The following RAB8A variants were observed in gnomAD, a reference collection of about 807,000 sequenced individuals.
RAB8A encodes ras-related protein Rab-8A.
In RAB8A, 5 loss-of-function variants were observed where a neutral mutation model predicts 29.2. The observed-to-expected ratio is 0.17, with a 90% CI of 0.09 to 0.36. RAB8A has a LOEUF of 0.36. RAB8A is among the 10% of genes least tolerant of loss of function. RAB8A has a pLI of 1.00. For missense variants in RAB8A, 171 were observed against 272.2 expected, an observed-to-expected ratio of 0.63 and a Z score of 2.62; for synonymous variants, 108 against 99.9, an observed-to-expected ratio of 1.08 and a Z score of -0.49.
At position 16,125,383 on chromosome 19, in the gene RAB8A, T is replaced by C; in HGVS notation, c.247-87T>C. ...CCTGGCTGTGCAGTGGGTGCTGGGC[T>C]CCCCACCACTGTTCTCTGGTGCCGC... is the stretch of plus-strand genomic sequence containing the variant. On this transcript the variant is annotated intron_variant, in intron 3 of 7. Coordinates refer to ENST00000300935, the MANE Select transcript of RAB8A (RefSeq NM_005370.5). The surrounding 1 kb of genome is among the most constrained non-coding windows in gnomAD (Gnocchi z 5.0). 8.5e-7 allele frequency: 1 copy of C among 1,179,650 alleles called. No individual in the cohort carries two copies. Among genetic ancestry groups the C allele is most frequent in the Non-Finnish European group, 1.2e-6 (1 of 809,096 alleles). 73.1% of individuals were successfully genotyped at this position (1,179,650 alleles called of 1,614,324 possible).
Position 16,111,913 on chromosome 19 carries a change from C to T in RAB8A, c.12C>T (p.Thr4=), listed in dbSNP as rs376619332. Residue 4 remains threonine, a synonymous_variant, in exon 1 of 8, where the codon ACC becomes ACT. Coordinates refer to ENST00000300935, the MANE Select transcript of RAB8A (RefSeq NM_005370.5). ...GGAGAGAGTGTAATATGGCGAAGAC[C>T]TACGATTACCTGTTCAAGCTGCTGC... MAK[T]YDYLFKLLLI... is the part of the protein sequence containing the mutation. The T allele has an allele frequency of 1.2e-6, 2 of 1,614,024 alleles. No individual in the cohort carries two copies. Among genetic ancestry groups the T allele is most frequent in the Non-Finnish European group, 1.7e-6 (2 of 1,179,884 alleles).
rs2090906806 is a variant in RAB8A, at chr19:16,127,407, T to G, written c.325-30T>G. ...GGCACCTGGCCTGTGTCATCCGGTCTGATCCCCCGTCTGTCCCCCTCCCTC... is the reference window on the plus strand; with the variant it reads ...GGCACCTGGCCTGTGTCATCCGGTCGGATCCCCCGTCTGTCCCCCTCCCTC... On this transcript the variant is annotated intron_variant, in intron 4 of 7. Coordinates refer to ENST00000300935, the MANE Select transcript of RAB8A (RefSeq NM_005370.5). The surrounding 1 kb of genome is among the most constrained non-coding windows in gnomAD (Gnocchi z 4.8). The G allele has an allele frequency of 1.4e-6, 2 of 1,414,322 alleles. No homozygotes were observed. Among genetic ancestry groups the G allele is most frequent in the Non-Finnish European group, 1.9e-6 (2 of 1,067,778 alleles). The allele number at this position is 1,414,322 out of a possible 1,614,324, so 87.6% of individuals were successfully genotyped here. A position where few individuals can be genotyped will look rare whatever the true frequency, so the allele number is the denominator to read the frequency against.
chr19:16,115,367 C>T (rs2090841953), intron 1 of RAB8A, among the ~76,000 whole-genome samples: 1 of 152,062 alleles, frequency 6.6e-6, no homozygotes, highest in Non-Finnish European at 1.5e-5. Flanking sequence ...AGTGGCTATT[C>T]ATTTTCTGCC....
At chr19:16,129,677 T>A in intron 7 of RAB8A, 73 bp downstream of exon 7, 1 of 1,455,218 alleles carries the variant, frequency 6.9e-7, no homozygotes, top group Non-Finnish European at 9.6e-7. Flanking sequence ...AGCAGTGATA[T>A]GACGTGCCCT....
At position 16,127,923 on chromosome 19, in the gene RAB8A, C is replaced by G. The variant is rs1054354801; in HGVS notation, c.415-103C>G. On this transcript the variant is annotated intron_variant, in intron 5 of 7. Transcript: ENST00000300935. The surrounding 1 kb of genome is among the most constrained non-coding windows in gnomAD (Gnocchi z 4.8). ...CACGCCCACAGCCCCAGCCCTGTTG[C>G]TGCTCCCTCTTGGCGCCGGCCCTGC... 241 of 1,197,572 alleles carry G rather than the reference C, an allele frequency of 2.0e-4. 1 individual carries two copies. Among genetic ancestry groups the G allele is most frequent in the Non-Finnish European group, 1.6e-5 (13 of 807,956 alleles). 74.2% of individuals were successfully genotyped at this position (1,197,572 alleles called of 1,614,324 possible).
rs936651621 is a variant in RAB8A at position 16,122,846 on chromosome 19, C to A, written c.246+1036C>A. Among the ~76,000 whole-genome samples the A allele has an allele frequency of 6.6e-6, 1 of 152,140 alleles. No individual in the cohort carries two copies. The highest frequency in any genetic ancestry group is 1.5e-5 in the Non-Finnish European group (1 of 68,026). Reference sequence around the variant, plus strand: ...TAAAATTAATGTATTTCTTTCCCCCCACCTCACAGTTCTCTGGTGGAGGGT... The same window carrying A: ...TAAAATTAATGTATTTCTTTCCCCCAACCTCACAGTTCTCTGGTGGAGGGT... On this transcript the variant is annotated intron_variant, in intron 3 of 7. Coordinates refer to ENST00000300935, the MANE Select transcript of RAB8A (RefSeq NM_005370.5). The surrounding 1 kb of genome is among the most constrained non-coding windows in gnomAD (Gnocchi z 4.7).
In RAB8A at chr19:16,132,075, T is replaced by TG; in HGVS notation, c.532-136dup. On this transcript the variant is annotated intron_variant, in intron 7 of 7. Coordinates refer to ENST00000300935, the MANE Select transcript of RAB8A (RefSeq NM_005370.5). The surrounding 1 kb of genome is among the most constrained non-coding windows in gnomAD (Gnocchi z 5.6). ...GTTTGGCTGGTTTGATTGGTTTGGT[T>TG]GTTTGGTTGGTTGGTTGGTTGGTTG... is the stretch of plus-strand genomic sequence containing the variant. 2 of 699,190 alleles carry TG rather than the reference T, an allele frequency of 2.9e-6. No homozygotes were observed. The highest frequency in any genetic ancestry group is 2.3e-5 in the Admixed American group (1 of 43,140). The allele number at this position is 699,190 out of a possible 1,614,324, so 43.3% of individuals were successfully genotyped here. A position where few individuals can be genotyped will look rare whatever the true frequency, so the allele number is the denominator to read the frequency against.
chr19:16,114,127 G>A (rs1218397834), intron 1 of RAB8A, among the ~76,000 whole-genome samples: 1 of 151,914 alleles, frequency 6.6e-6, no homozygotes, highest in East Asian at 1.9e-4. Context: ...AAATCAGCCG[G>A]GCACAGTGGC....
chr19:16,125,646 G>A lies in RAB8A; in HGVS notation c.324+99G>A, dbSNP rs766416972. The stretch of plus-strand genomic sequence containing the variant: ...AGGCCAAGGTGCAGAGACACATACA[G>A]GCCACTTGCCCACAGCCTCCTAGTC... On this transcript the variant is annotated intron_variant, in intron 4 of 7. Coordinates refer to ENST00000300935, the MANE Select transcript of RAB8A (RefSeq NM_005370.5). This position sits in a 1 kb window ranked among gnomAD's most constrained non-coding sequence, Gnocchi z 5.0. The A allele has an allele frequency of 8.7e-7, 1 of 1,146,444 alleles. No individual in the cohort carries two copies. 71.0% of individuals were successfully genotyped at this position (1,146,444 alleles called of 1,614,324 possible). A position where few individuals can be genotyped will look rare whatever the true frequency, so the allele number is the denominator to read the frequency against.
Position 16,111,900 on chromosome 19 carries a change from A to G in RAB8A, c.-2A>G. The G allele has an allele frequency of 1.2e-6, 2 of 1,613,902 alleles. No individual in the cohort carries two copies. The highest frequency in any genetic ancestry group is 2.2e-5 in the East Asian group (1 of 44,854). ...CACTTCCCGTCGGGGAGAGAGTGTA[A>G]TATGGCGAAGACCTACGATTACCTG... On this transcript the variant is annotated 5_prime_UTR_variant, in exon 1 of 8. Coordinates refer to ENST00000300935, the MANE Select transcript of RAB8A (RefSeq NM_005370.5).
Position 16,122,345 on chromosome 19 carries a change from G to A in RAB8A, c.246+535G>A, listed in dbSNP as rs934733307. Among the ~76,000 whole-genome samples the A allele has an allele frequency of 6.6e-6, 1 of 152,232 alleles. No homozygotes were observed. The highest frequency in any genetic ancestry group is 2.1e-4 in the South Asian group (1 of 4,836). ...CTTAACTAGATGCAGAAGGCGGCCA[G>A]GGATGGGACGAGGTCCTGTGTCAGG... is the stretch of plus-strand genomic sequence containing the variant. On this transcript the variant is annotated intron_variant, in intron 3 of 7. Transcript: ENST00000300935. The surrounding 1 kb of genome is among the most constrained non-coding windows in gnomAD (Gnocchi z 4.7).
intron 6 of RAB8A, 23 bp downstream of exon 6, chr19:16,128,114 A>G: frequency 6.2e-7 from 1 of 1,611,602 alleles, no homozygotes; most frequent in South Asian, 1.1e-5. Context: ...CCCTGCTGGG[A>G]GACATGGGGC....
Position 16,127,677 on chromosome 19 carries a change from A to G in RAB8A, c.414+151A>G. ...CATGGGATGACAGAAGCACACACCC[A>G]GCCGGGGCTTCTTGGGTGCACTCTG... On this transcript the variant is annotated intron_variant, in intron 5 of 7. Transcript: ENST00000300935. This position sits in a 1 kb window ranked among gnomAD's most constrained non-coding sequence, Gnocchi z 4.8. The G allele has an allele frequency of 1.5e-6, 1 of 648,368 alleles. No homozygotes were observed. Among genetic ancestry groups the G allele is most frequent in the South Asian group, 2.1e-5 (1 of 47,020 alleles). 40.2% of individuals were successfully genotyped at this position (648,368 alleles called of 1,614,324 possible).
Position 16,132,260 on chromosome 19 carries a change from G to C in RAB8A, c.580G>C (p.Asp194His). The change falls in exon 8 of 8, where the codon GAC (aspartate) becomes CAC (histidine). Residue 194 changes from aspartate to histidine, a missense_variant. Physicochemically the swap from Asp to His is moderately conservative, Grantham distance 81. Coordinates refer to ENST00000300935, the MANE Select transcript of RAB8A (RefSeq NM_005370.5). The surrounding 1 kb of genome is among the most constrained non-coding windows in gnomAD (Gnocchi z 5.6). ...CAACCAGGGAGTCAAAATCACACCG[G>C]ACCAGCAGAAGAGGAGCAGCTTTTT... ...GSNQGVKITP[D>H]QQKRSSFFRC... 6.2e-7 allele frequency: 1 copy of C among 1,614,110 alleles called. No individual in the cohort carries two copies. The highest frequency in any genetic ancestry group is 8.5e-7 in the Non-Finnish European group (1 of 1,180,030).
rs955948180 is a variant in RAB8A at position 16,125,757 on chromosome 19, G to A, written c.324+210G>A. 1.3e-5 allele frequency: 9 copies of A among 677,652 alleles called. No individual in the cohort carries two copies. The highest frequency in any genetic ancestry group is 3.5e-5 in the African/African-American group (2 of 56,664). 42.0% of individuals were successfully genotyped at this position (677,652 alleles called of 1,614,324 possible). On this transcript the variant is annotated intron_variant, in intron 4 of 7. Coordinates refer to ENST00000300935, the MANE Select transcript of RAB8A (RefSeq NM_005370.5). The surrounding 1 kb of genome is among the most constrained non-coding windows in gnomAD (Gnocchi z 5.0). ...GCCTGGCCCCACCCCGGAGCCCCTC[G>A]GAGCCCATCCCTCCAGCTAGGCTGT...
rs2090897958 is a variant in RAB8A, at chr19:16,125,761, C to T, written c.324+214C>T. The T allele has an allele frequency of 1.5e-6, 1 of 674,322 alleles. No homozygotes were observed. The highest frequency in any genetic ancestry group is 2.0e-5 in the Admixed American group (1 of 48,904). 41.8% of individuals were successfully genotyped at this position (674,322 alleles called of 1,614,324 possible). On this transcript the variant is annotated intron_variant, in intron 4 of 7. Coordinates refer to ENST00000300935, the MANE Select transcript of RAB8A (RefSeq NM_005370.5). The surrounding 1 kb of genome is among the most constrained non-coding windows in gnomAD (Gnocchi z 5.0). Reference sequence around the variant, plus strand: ...GGCCCCACCCCGGAGCCCCTCGGAGCCCATCCCTCCAGCTAGGCTGTTGGA... The same window carrying T: ...GGCCCCACCCCGGAGCCCCTCGGAGTCCATCCCTCCAGCTAGGCTGTTGGA...
intron 6 of RAB8A, 39 bp downstream of exon 6, chr19:16,128,130 G>T: frequency 2.5e-6 from 4 of 1,601,922 alleles, no homozygotes; most frequent in Non-Finnish European, 3.4e-6. Context: ...GGGGCCTGCA[G>T]GATCGGCCCC....
intron 6 of RAB8A, 75 bp downstream of exon 6, chr19:16,128,166 C>A (rs751078099): frequency 1.9e-4 from 286 of 1,510,270 alleles, no homozygotes; most frequent in Non-Finnish European, 2.5e-4. Context: ...GAGCTGGCGT[C>A]CTCCGAGGAG....
chr19:16,127,551 G>A lies in RAB8A; in HGVS notation c.414+25G>A. ...GGTGGGCATGGTGGCACAAGGGGCA[G>A]AGGGCCTCGGGGTCTTGGGGTTCTT... On this transcript the variant is annotated intron_variant, in intron 5 of 7. Coordinates refer to ENST00000300935, the MANE Select transcript of RAB8A (RefSeq NM_005370.5). The surrounding 1 kb of genome is among the most constrained non-coding windows in gnomAD (Gnocchi z 4.8). 6.8e-7 allele frequency: 1 copy of A among 1,480,954 alleles called. No homozygotes were observed. Among genetic ancestry groups the A allele is most frequent in the Non-Finnish European group, 9.0e-7 (1 of 1,107,408 alleles). The allele number at this position is 1,480,954 out of a possible 1,614,324, so 91.7% of individuals were successfully genotyped here.
Sources: allele counts gnomAD v4.1 joint callset (sites outside exome capture counted in the v4.1 genomes callset), GRCh38; gene constraint gnomAD v4.1.1; non-coding constraint Gnocchi (gnomAD v3.1); transcripts MANE v1.5; gene names NCBI Gene and HGNC (gene_info 2026-07-23, HGNC 2026-07-21).